The following ABLIM1 variants were observed in gnomAD, a reference collection of about 807,000 sequenced individuals.
The protein encoded by ABLIM1 is actin-binding LIM protein 1.
In ABLIM1, 40 loss-of-function variants were observed where a neutral mutation model predicts 107.0. The observed-to-expected ratio is 0.37, with a 90% confidence interval of 0.29 to 0.49. The LOEUF (loss-of-function observed/expected upper bound fraction) is 0.49. ABLIM1 is among the 20% of genes least tolerant of loss of function. ABLIM1 has a pLI of 0.97. For synonymous variants in ABLIM1, 357 were observed against 357.3 expected (o/e 1.00, Z 0.01); for missense variants, 857 against 1,008.5 (o/e 0.85, Z 2.04).
At chr10:114,583,404 A>AAC (rs1164587300) in intron 2 of ABLIM1, among the ~76,000 whole-genome samples, 57 of 71,362 alleles carry the variant, frequency 8.0e-4, no homozygotes, top group East Asian at 2.2e-3. Flanking sequence ...GAGAAAAGGG[A>AAC]ACACACACAC....
At chr10:114,532,092 A>G (rs2065509730) in intron 6 of ABLIM1, among the ~76,000 whole-genome samples, 1 of 152,216 alleles carries the variant, frequency 6.6e-6, no homozygotes, top group Non-Finnish European at 1.5e-5. Context: ...TGGGATCACA[A>G]GCATGAGCCA....
chr10:114,515,938 G>C (rs1471143109), intron 6 of ABLIM1, among the ~76,000 whole-genome samples: 1 of 152,192 alleles, frequency 6.6e-6, no homozygotes, highest in Non-Finnish European at 1.5e-5. Context: ...GATTTCACCA[G>C]CCTCCAGAGC....
At position 114,713,774 on chromosome 10, in the gene ABLIM1, A is replaced by G. The variant is rs145408583; in HGVS notation, c.-213+54287T>C. 9.2e-5 allele frequency among the ~76,000 whole-genome samples: 14 copies of G among 152,372 alleles called. No homozygotes were observed. In the East Asian group the frequency reaches 2.7e-3, roughly 29 times the overall value. ...CGGTTACAGAATAATAAAAACAGTG[A>G]GGAATTCACATACATCTTTCTCTAA... On this transcript the variant is annotated intron_variant, in intron 1 of 15. Coordinates refer to the ABLIM1 transcript ENST00000651092.
At chr10:114,781,690 T>C in the ABLIM1 span, among the ~76,000 whole-genome samples, 1 of 136,554 alleles carries the variant, frequency 7.3e-6, no homozygotes, top group African/African-American at 2.6e-5. Flanking sequence ...ATATATATAA[T>C]TAATGCACCA....
Position 114,474,020 on chromosome 10 carries a change from G to A in ABLIM1, c.1042-64C>T. 11 of 1,272,856 alleles carry A rather than the reference G, an allele frequency of 8.6e-6. No homozygotes were observed. In the South Asian group the frequency reaches 1.4e-4, roughly 17 times the overall value. The allele number at this position is 1,272,856 out of a possible 1,614,324, so 78.8% of individuals were successfully genotyped here. On this transcript the variant is annotated intron_variant, in intron 8 of 22. Coordinates refer to ENST00000533213, the MANE Select transcript of ABLIM1 (RefSeq NM_002313.7). ...GGCTTCAGAATCTAGACTGTCCTGG[G>A]CCCTTAAGCTTTACTAAAAACTCAG...
intron 8 of ABLIM1, chr10:114,485,368 G>C (rs117235791): frequency 6.2e-7 from 1 of 1,612,154 alleles, no homozygotes; most frequent in Non-Finnish European, 8.5e-7. Flanking sequence ...GAAGAACGCC[G>C]AATGTTTGGC....
intron 6 of ABLIM1, among the ~76,000 whole-genome samples, chr10:114,521,374 T>A (rs1452083641): frequency 6.6e-6 from 1 of 152,264 alleles, no homozygotes; most frequent in Admixed American, 6.5e-5. Context: ...GAAAGGACTT[T>A]GATGAAGTAT....
chr10:114,437,906 G>C lies in ABLIM1; in HGVS notation c.2161C>G (p.Leu721Val). ...LEPKIFPYEM[L>V]MVTNRGRNKI... ...TTTCGCCCTCTGTTGGTCACCATGA[G>C]CATTTCATATGGAAATATCTGAGAA... is the stretch of plus-strand genomic sequence containing the variant. The change falls in exon 22 of 23, where the codon CTC (leucine) becomes GTC (valine). Residue 721 changes from leucine (L) to valine (V), a missense_variant. Physicochemically the swap from Leu to Val is conservative, Grantham distance 32. This residue lies in a region of ABLIM1 where 193 missense variants were observed against 208.5 expected (regional missense o/e 0.93). Transcript: ENST00000533213. 6.2e-7 allele frequency: 1 copy of C among 1,613,968 alleles called. No homozygotes were observed. The highest frequency in any genetic ancestry group is 1.6e-4 in the Middle Eastern group (1 of 6,062).
At chr10:114,742,984 T>C (rs1213547843) in intron 1 of ABLIM1, among the ~76,000 whole-genome samples, 1 of 152,194 alleles carries the variant, frequency 6.6e-6, no homozygotes, top group African/African-American at 2.4e-5. Flanking sequence ...TTAGTTAATC[T>C]GTGTAAAAGT....
intron 1 of ABLIM1, among the ~76,000 whole-genome samples, chr10:114,716,410 A>AAAAAACACACAC (rs541504016): frequency 7.7e-5 from 11 of 143,534 alleles, no homozygotes; most frequent in African/African-American, 2.9e-4. Flanking sequence ...GGTAGAGAGA[A>AAAAAACACACAC]ACACACACAC....
At chr10:114,514,578 T>C (rs2062506663) in intron 6 of ABLIM1, among the ~76,000 whole-genome samples, 1 of 152,182 alleles carries the variant, frequency 6.6e-6, no homozygotes, top group African/African-American at 2.4e-5. Flanking sequence ...AGGGTCTCCC[T>C]ATGTTTCCCA....
intron 1 of ABLIM1, among the ~76,000 whole-genome samples, chr10:114,649,149 G>T (rs1383279965): frequency 6.6e-6 from 1 of 152,050 alleles, no homozygotes; most frequent in East Asian, 1.9e-4. Flanking sequence ...TATAACCCCA[G>T]TGCTTTGGGA....
chr10:114,651,567 T>A (rs1043023881), intron 1 of ABLIM1, among the ~76,000 whole-genome samples: 1 of 151,818 alleles, frequency 6.6e-6, no homozygotes, highest in African/African-American at 2.4e-5. Context: ...GGGTTAAGAG[T>A]GGGACGTGAT....
chr10:114,491,012 G>GTGTGTGTGTGTGTATGTATA, intron 7 of ABLIM1, among the ~76,000 whole-genome samples: 2 of 92,396 alleles, frequency 2.2e-5, no homozygotes, highest in African/African-American at 9.2e-5. Context: ...GTGTGTGTGT[G>GTGTGTGTGTGTGTATGTATA]TATATATATA....
At chr10:114,694,106 T>C (rs1566246733) in intron 1 of ABLIM1, among the ~76,000 whole-genome samples, 2 of 152,176 alleles carry the variant, frequency 1.3e-5, no homozygotes, top group South Asian at 4.1e-4. Flanking sequence ...GAAAATAATA[T>C]TCGGTTGATA....
chr10:114,445,074 C>T (rs1305738949), intron 16 of ABLIM1, among the ~76,000 whole-genome samples: 1 of 152,182 alleles, frequency 6.6e-6, no homozygotes, highest in Non-Finnish European at 1.5e-5. Context: ...CCAAACCTTC[C>T]ACACCCCTCT....
chr10:114,739,115 T>C (rs987872374), intron 1 of ABLIM1, among the ~76,000 whole-genome samples: 1 of 152,272 alleles, frequency 6.6e-6, no homozygotes, highest in Admixed American at 6.5e-5. Flanking sequence ...TGGATTTTAA[T>C]GCTTTGAACA....
At chr10:114,543,365 G>A (rs1591060171) in intron 6 of ABLIM1, among the ~76,000 whole-genome samples, 1 of 152,026 alleles carries the variant, frequency 6.6e-6, no homozygotes, top group Admixed American at 6.6e-5. Flanking sequence ...CTTTCTATCT[G>A]TATGGATTTA....
chr10:114,457,131 T>A lies in ABLIM1; in HGVS notation c.1442-3648A>T, dbSNP rs372792067. Among the ~76,000 whole-genome samples, 3 of 152,148 alleles carry A rather than the reference T, an allele frequency of 2.0e-5. No homozygotes were observed. The East Asian group carries it at 5.8e-4, about 29-fold the overall frequency. On this transcript the variant is annotated intron_variant, in intron 12 of 22. Coordinates refer to ENST00000533213, the MANE Select transcript of ABLIM1 (RefSeq NM_002313.7). ...GGGAATAAGTTCTTGGAATACATAA[T>A]GTTGCTAGGTACCAAATTCTTAGCC...
Sources: gnomAD v4.1 joint callset for allele counts (sites outside exome capture counted in the v4.1 genomes callset) on GRCh38, gnomAD v4.1.1 for gene constraint, gnomAD v4.1.1 regional missense constraint, MANE v1.5 for transcripts, NCBI Gene and HGNC (gene_info 2026-07-23, HGNC 2026-07-21) for gene names.